KMT2E: variants seen among roughly 807,000 people sequenced by gnomAD.
KMT2E encodes histone reader KMT2E.
A neutral mutation model predicts 184.6 loss-of-function variants in KMT2E; 30 were observed. That is an observed-to-expected ratio of 0.16 (90% confidence interval 0.12 to 0.22). The LOEUF is 0.22. Ranked by LOEUF, KMT2E falls within the 10% of genes least tolerant of loss-of-function variation. KMT2E has a pLI of 1.00. For missense variants in KMT2E, 2,023 were observed against 2,237.4 expected, an observed-to-expected ratio of 0.90 and a Z score of 1.93; for synonymous variants, 815 against 776.5, an observed-to-expected ratio of 1.05 and a Z score of -0.82.
intron 1 of KMT2E, among the ~76,000 whole-genome samples, chr7:105,021,165 C>T (rs1266684978): frequency 6.6e-6 from 1 of 152,120 alleles, no homozygotes; most frequent in Non-Finnish European, 1.5e-5. Flanking sequence ...GACTGTGGTC[C>T]AGTAGCCATA....
At chr7:105,040,612 A>C (rs1795838926) in intron 2 of KMT2E, among the ~76,000 whole-genome samples, 1 of 152,220 alleles carries the variant, frequency 6.6e-6, no homozygotes, top group African/African-American at 2.4e-5. Flanking sequence ...AATATGCCGT[A>C]GTAATCTTCT....
chr7:105,057,428 T>A (rs1251360439), intron 3 of KMT2E, among the ~76,000 whole-genome samples: 2 of 152,146 alleles, frequency 1.3e-5, no homozygotes, highest in Non-Finnish European at 2.9e-5. Context: ...GTTTCATCTG[T>A]CTTTGAGTTG....
At position 105,110,359 on chromosome 7, in the gene KMT2E, A is replaced by G. The variant is rs758208578; in HGVS notation, c.3835A>G (p.Lys1279Glu). The G allele has an allele frequency of 1.2e-6, 2 of 1,614,014 alleles. No individual in the cohort carries two copies. Among genetic ancestry groups the G allele is most frequent in the Middle Eastern group, 1.6e-4 (1 of 6,084 alleles). Reference sequence around the variant, plus strand: ...ACTTCTCAGTGATCACCGAAAAGATAAAGATAGTGGTAAGTGAGCTTGTTC... The same window carrying G: ...ACTTCTCAGTGATCACCGAAAAGATGAAGATAGTGGTAAGTGAGCTTGTTC... ...ALLLSDHRKD[K>E]DSGGESPCVS... is the part of the protein sequence containing the mutation. The change falls in exon 24 of 27, where the codon AAA (lysine) becomes GAA (glutamate). Residue 1279 changes from lysine (K) to glutamate (E), a missense_variant. By Grantham distance (56) the Lys-to-Glu change is moderately conservative. This residue lies in a region of KMT2E where 1,108 missense variants were observed against 1,050.9 expected (regional missense o/e 1.05). Coordinates refer to ENST00000311117, the MANE Select transcript of KMT2E (RefSeq NM_182931.3).
Position 105,112,911 on chromosome 7 carries a change from C to G in KMT2E, c.5155C>G (p.Pro1719Ala). 1 of 1,613,666 alleles carries G rather than the reference C, an allele frequency of 6.2e-7. No homozygotes were observed. Among genetic ancestry groups the G allele is most frequent in the South Asian group, 1.1e-5 (1 of 91,050 alleles). The change falls in exon 27 of 27, where the codon CCT becomes GCT. Residue 1719 changes from proline (P) to alanine (A), a missense_variant. Physicochemically the swap from Pro to Ala is conservative, Grantham distance 27. This residue lies in a region of KMT2E where 1,108 missense variants were observed against 1,050.9 expected (regional missense o/e 1.05). Coordinates refer to ENST00000311117, the MANE Select transcript of KMT2E (RefSeq NM_182931.3). ...HVVNSAPPPP[P>A]PPPPSSVLAS... ...TGTAAATTCAGCACCCCCACCACCCCCTCCGCCGCCACCTTCCAGTGTTTT... is the reference window on the plus strand; with the variant it reads ...TGTAAATTCAGCACCCCCACCACCCGCTCCGCCGCCACCTTCCAGTGTTTT...
At chr7:105,015,729 A>G (rs1235108294) in intron 1 of KMT2E, among the ~76,000 whole-genome samples, 4 of 152,086 alleles carry the variant, frequency 2.6e-5, no homozygotes, top group Non-Finnish European at 2.9e-5. Flanking sequence ...TCCACACCCC[A>G]TGCAGTGCGT....
chr7:105,042,866 TAATA>T (rs1795941401), intron 3 of KMT2E, among the ~76,000 whole-genome samples: 1 of 152,226 alleles, frequency 6.6e-6, no homozygotes, highest in Non-Finnish European at 1.5e-5. Context: ...TTACACCTAT[TAATA>T]TAACAATTAG....
intron 3 of KMT2E, 199 bp from the exon 4 acceptor site, chr7:105,061,965 A>G: frequency 2.5e-6 from 1 of 396,620 alleles, no homozygotes; most frequent in Non-Finnish European, 4.5e-6. Context: ...TGGGACATTT[A>G]TTTTACTTAA....
chr7:105,027,640 T>G (rs896845349), intron 1 of KMT2E, among the ~76,000 whole-genome samples: 1 of 152,222 alleles, frequency 6.6e-6, no homozygotes. Flanking sequence ...GCTTCAACTC[T>G]CTAGTTGTAT....
intron 15 of KMT2E, 22 bp downstream of exon 15, chr7:105,091,336 T>C (rs1284505403): frequency 7.4e-7 from 1 of 1,351,206 alleles, no homozygotes; most frequent in Non-Finnish European, 1.1e-6. Context: ...AGCCAGTAGT[T>C]TGGGCTTAGT....
Position 105,107,074 on chromosome 7 carries a change from T to C in KMT2E, c.2848-92T>C, listed in dbSNP as rs1427470186. 6.6e-6 allele frequency: 5 copies of C among 755,728 alleles called. No homozygotes were observed. The African/African-American group carries it at 7.2e-5, about 11-fold the overall frequency. 46.8% of individuals were successfully genotyped at this position (755,728 alleles called of 1,614,324 possible). A position where few individuals can be genotyped will look rare whatever the true frequency, so the allele number is the denominator to read the frequency against. ...AAACAAGATCTAAAACTAAAGTCTG[T>C]ATATTTTTCATTTTGTTTTCATTTC... On this transcript the variant is annotated intron_variant, in intron 20 of 26. Coordinates refer to ENST00000311117, the MANE Select transcript of KMT2E (RefSeq NM_182931.3).
At chr7:105,046,959 C>T (rs1796133788) in intron 3 of KMT2E, among the ~76,000 whole-genome samples, 1 of 152,174 alleles carries the variant, frequency 6.6e-6, no homozygotes, top group Non-Finnish European at 1.5e-5. Flanking sequence ...TGTAGTTGTA[C>T]TTATGGCTAA....
intron 1 of KMT2E, among the ~76,000 whole-genome samples, chr7:105,035,326 C>A (rs1795601025): frequency 6.6e-6 from 1 of 151,886 alleles, no homozygotes; most frequent in African/African-American, 2.4e-5. Context: ...GCCACTGCGC[C>A]TGGCCTAATT....
At chr7:105,054,790 C>T (rs1182953525) in intron 3 of KMT2E, among the ~76,000 whole-genome samples, 1 of 152,112 alleles carries the variant, frequency 6.6e-6, no homozygotes, top group Non-Finnish European at 1.5e-5. Flanking sequence ...GCTAGGATTA[C>T]AGGCGTGAGC....
intron 13 of KMT2E, 137 bp downstream of exon 13, chr7:105,081,934 C>T: frequency 2.0e-6 from 1 of 492,160 alleles, no homozygotes; most frequent in South Asian, 3.5e-5. Flanking sequence ...ACTTGAAAAC[C>T]AGAAGTTTAG....
chr7:105,074,715 C>G lies in KMT2E; in HGVS notation c.629C>G (p.Pro210Arg). 1 of 1,610,078 alleles carries G rather than the reference C, an allele frequency of 6.2e-7. No homozygotes were observed. The highest frequency in any genetic ancestry group is 8.5e-7 in the Non-Finnish European group (1 of 1,178,120). ...VELYTAFQHT[P>R]TSITLTASRV... ...TTATATACTGCATTTCAGCATACTCCAACATCAATTACTTTAACTGCTTCA... is the reference window on the plus strand; with the variant it reads ...TTATATACTGCATTTCAGCATACTCGAACATCAATTACTTTAACTGCTTCA... The change falls in exon 8 of 27, where the codon CCA becomes CGA. Residue 210 changes from proline to arginine, a missense_variant. Physicochemically the swap from Pro to Arg is moderately radical, Grantham distance 103 (BLOSUM62 -2). Coordinates refer to ENST00000311117, the MANE Select transcript of KMT2E (RefSeq NM_182931.3).
At chr7:105,048,958 G>A (rs1205171781) in intron 3 of KMT2E, among the ~76,000 whole-genome samples, 1 of 152,078 alleles carries the variant, frequency 6.6e-6, no homozygotes, top group Non-Finnish European at 1.5e-5. Context: ...CTATTTCAAT[G>A]GTATGACTTT....
In KMT2E at chr7:105,066,736, A is replaced by G. The variant is rs757902649; in HGVS notation, c.426A>G (p.Gln142=). 8 of 1,611,638 alleles carry G rather than the reference A, an allele frequency of 5.0e-6. No homozygotes were observed. Among genetic ancestry groups the G allele is most frequent in the Non-Finnish European group, 5.1e-6 (6 of 1,178,478 alleles). The change falls in exon 6 of 27, where the codon CAA becomes CAG. Residue 142 remains glutamine (Q), a synonymous_variant. Coordinates refer to ENST00000311117, the MANE Select transcript of KMT2E (RefSeq NM_182931.3). ...MICCDKCSVW[Q]HIDCMGIDRQ... is the part of the protein sequence containing the mutation. ...CTTTTTTTTTTTTAAGCGTTTGGCA[A>G]CATATTGACTGCATGGGGATTGATA...
chr7:105,107,335 T>C (rs1244833165), intron 21 of KMT2E, 27 bp from the exon 22 acceptor site: 10 of 1,530,874 alleles, frequency 6.5e-6, no homozygotes, highest in Non-Finnish European at 8.8e-6. Context: ...ATTATTTGTG[T>C]AATTTTTTTT....
intron 12 of KMT2E, among the ~76,000 whole-genome samples, chr7:105,079,722 A>G (rs952726059): frequency 1.3e-5 from 2 of 149,408 alleles, no homozygotes; most frequent in Admixed American, 6.7e-5. Flanking sequence ...ATGGAGTCTC[A>G]TTTTGCTGCC....
Sources: allele counts gnomAD v4.1 joint callset (sites outside exome capture counted in the v4.1 genomes callset), GRCh38; gene constraint gnomAD v4.1.1; regional missense constraint gnomAD v4.1.1; transcripts MANE v1.5; gene names NCBI Gene and HGNC (gene_info 2026-07-23, HGNC 2026-07-21).